Variants in SPOPL observed in about 807,000 individuals in gnomAD.
SPOPL encodes speckle type BTB/POZ protein like, also known as speckle-type POZ protein-like.
SPOPL carries 23 observed loss-of-function variants against 53.8 expected under a neutral mutation model. That is an observed-to-expected ratio of 0.43 (90% CI 0.31 to 0.61). SPOPL has a LOEUF of 0.61. Ranked by LOEUF, SPOPL falls within the 20% of genes least tolerant of loss-of-function variation. The probability of loss-of-function intolerance (pLI) is 0.12; values close to 1 mark genes in which losing one functional copy is unlikely to be tolerated. For synonymous variants in SPOPL, 164 were observed against 149.7 expected, an observed-to-expected ratio of 1.10 and a Z score of -0.70; for missense variants, 442 against 466.9, an observed-to-expected ratio of 0.95 and a Z score of 0.49.
At chr2:138,503,639 A>G (rs945098652) in intron 1 of SPOPL, among the ~76,000 whole-genome samples, 2 of 152,230 alleles carry the variant, frequency 1.3e-5, no homozygotes, top group African/African-American at 4.8e-5. Context: ...GCAGCTAACT[A>G]CCAAGCTACA....
chr2:138,525,428 C>T (rs1030721822), intron 1 of SPOPL, among the ~76,000 whole-genome samples: 2 of 152,102 alleles, frequency 1.3e-5, no homozygotes, highest in Non-Finnish European at 2.9e-5. Context: ...TTCACATGAG[C>T]TGACTGGCAG....
chr2:138,505,594 TAAAAAAAAA>T (rs1169614974), intron 1 of SPOPL, among the ~76,000 whole-genome samples: 11 of 75,090 alleles, frequency 1.5e-4, no homozygotes, highest in African/African-American at 7.0e-4. Context: ...GTGTCTCTTC[TAAAAAAAAA>T]AAAAAAAAAA....
At chr2:138,565,036 G>A (rs1685631725) in intron 10 of SPOPL, 43 bp downstream of exon 10, 3 of 1,605,862 alleles carry the variant, frequency 1.9e-6, no homozygotes, top group Non-Finnish European at 2.6e-6. Flanking sequence ...CTCTACATAA[G>A]TGAGATTAAG....
At chr2:138,567,842 G>A (rs1286944787) in intron 10 of SPOPL, among the ~76,000 whole-genome samples, 17 of 152,184 alleles carry the variant, frequency 1.1e-4, no homozygotes, top group Admixed American at 1.1e-3. Flanking sequence ...ATGGCATAAA[G>A]TAGAGAATTG....
At chr2:138,516,414 T>C (rs1684439014) in intron 1 of SPOPL, among the ~76,000 whole-genome samples, 1 of 152,198 alleles carries the variant, frequency 6.6e-6, no homozygotes, top group African/African-American at 2.4e-5. Context: ...TAAGGTCTGT[T>C]GTAAAAGATA....
intron 1 of SPOPL, among the ~76,000 whole-genome samples, chr2:138,544,452 C>A (rs1685145972): frequency 6.6e-6 from 1 of 152,220 alleles, no homozygotes; most frequent in Admixed American, 6.5e-5. Context: ...CTCCCCCAGC[C>A]TCGCTGCCGC....
At position 138,564,759 on chromosome 2, in the gene SPOPL, C is replaced by G; in HGVS notation, c.889C>G (p.Leu297Val). Reference protein sequence around the residue: ...VMCEEALCSNLSVENVADTLV... With the variant: ...VMCEEALCSNVSVENVADTLV... Reference sequence around the variant, plus strand: ...GTGCGAAGAAGCTTTGTGTAGTAACCTCTCAGTAGAGAATGTTGCAGATAC... The same window carrying G: ...GTGCGAAGAAGCTTTGTGTAGTAACGTCTCAGTAGAGAATGTTGCAGATAC... The change falls in exon 9 of 11, where the codon CTC becomes GTC. Residue 297 changes from leucine (L) to valine (V), a missense_variant. Coordinates refer to ENST00000280098, the MANE Select transcript of SPOPL (RefSeq NM_001001664.3). The G allele has an allele frequency of 6.2e-7, 1 of 1,614,156 alleles. No homozygotes were observed. The highest frequency in any genetic ancestry group is 8.5e-7 in the Non-Finnish European group (1 of 1,180,010).
Position 138,569,569 on chromosome 2 carries a change from T to A in SPOPL, c.*489T>A, listed in dbSNP as rs532316765. On this transcript the variant is annotated 3_prime_UTR_variant, in exon 11 of 11. Coordinates refer to ENST00000280098, the MANE Select transcript of SPOPL (RefSeq NM_001001664.3). ...ATCTCCAATCTAAGTTCTATAAATA[T>A]GGGAGAACCCTCTTACCTTCAAGGT... 6.6e-6 allele frequency: 1 copy of A among 152,562 alleles called. No individual in the cohort carries two copies. The highest frequency in any genetic ancestry group is 2.1e-4 in the South Asian group (1 of 4,836). 9.5% of individuals were successfully genotyped at this position (152,562 alleles called of 1,614,324 possible).
intron 1 of SPOPL, among the ~76,000 whole-genome samples, chr2:138,536,307 T>C (rs1313117688): frequency 1.3e-5 from 2 of 151,824 alleles, no homozygotes; most frequent in Non-Finnish European, 2.9e-5. Flanking sequence ...TTATTTTGTT[T>C]ATGGACTGTT....
chr2:138,565,487 A>C (rs1219364306), intron 10 of SPOPL, among the ~76,000 whole-genome samples: 2 of 152,172 alleles, frequency 1.3e-5, no homozygotes, highest in Admixed American at 1.3e-4. Flanking sequence ...TTCCCTAGTG[A>C]ACCTGTAAGG....
intron 1 of SPOPL, among the ~76,000 whole-genome samples, chr2:138,522,748 A>T (rs552496893): frequency 6.6e-6 from 1 of 152,188 alleles, no homozygotes; most frequent in African/African-American, 2.4e-5. Context: ...TGAAAGACAC[A>T]GCTGTTTCTA....
intron 1 of SPOPL, among the ~76,000 whole-genome samples, chr2:138,523,589 A>G (rs2104866353): frequency 6.6e-6 from 1 of 152,300 alleles, no homozygotes; most frequent in East Asian, 1.9e-4. Flanking sequence ...ATCAAAAGCA[A>G]GTTAGTTACC....
chr2:138,544,687 G>A (rs1685153430), intron 1 of SPOPL, among the ~76,000 whole-genome samples: 1 of 152,254 alleles, frequency 6.6e-6, no homozygotes, highest in African/African-American at 2.4e-5. Flanking sequence ...CTTCCCGGGT[G>A]AGGTGATGCC....
chr2:138,572,966 G>T lies in SPOPL; in HGVS notation c.*3886G>T, dbSNP rs1313576931. ...TGTATACTGTAACCCAGTAAATTTT[G>T]CATTCAGTTTTAAAAAATGAAGATG... On this transcript the variant is annotated 3_prime_UTR_variant, in exon 11 of 11. Coordinates refer to ENST00000280098, the MANE Select transcript of SPOPL (RefSeq NM_001001664.3). 6.6e-6 allele frequency: 1 copy of T among 152,170 alleles called. No homozygotes were observed. The highest frequency in any genetic ancestry group is 1.5e-5 in the Non-Finnish European group (1 of 67,970). The allele number at this position is 152,170 out of a possible 1,614,324, so 9.4% of individuals were successfully genotyped here.
At chr2:138,542,077 T>C (rs983583763) in intron 1 of SPOPL, among the ~76,000 whole-genome samples, 9 of 152,258 alleles carry the variant, frequency 5.9e-5, no homozygotes, top group Admixed American at 5.9e-4. Context: ...TGAGTTCTAC[T>C]TTGATTGCAC....
At chr2:138,558,958 G>C (rs1039051580) in intron 5 of SPOPL, 64 bp from the exon 6 acceptor site, 7 of 1,386,716 alleles carry the variant, frequency 5.0e-6, no homozygotes, top group Non-Finnish European at 5.8e-6. Flanking sequence ...TTGAAGTATG[G>C]ACTTAAACTA....
intron 1 of SPOPL, among the ~76,000 whole-genome samples, chr2:138,515,790 T>A (rs1299596555): frequency 1.3e-5 from 2 of 152,232 alleles, no homozygotes; most frequent in Non-Finnish European, 2.9e-5. Flanking sequence ...TAGTTTTCCC[T>A]TTCTACATTT....
intron 1 of SPOPL, among the ~76,000 whole-genome samples, chr2:138,511,019 A>G (rs1684312788): frequency 6.6e-6 from 1 of 152,242 alleles, no homozygotes. Context: ...ATGGGCACAC[A>G]CTAAGCAGAT....
At chr2:138,550,792 C>A in intron 3 of SPOPL, 111 bp from the exon 4 acceptor site, 1 of 1,420,552 alleles carries the variant, frequency 7.0e-7, no homozygotes, top group Non-Finnish European at 9.5e-7. Context: ...CTGTTTGTGA[C>A]ATTAACACAT....
Sources: allele counts gnomAD v4.1 joint callset (sites outside exome capture counted in the v4.1 genomes callset), GRCh38; gene constraint gnomAD v4.1.1; transcripts MANE v1.5; gene names NCBI Gene and HGNC (gene_info 2026-07-23, HGNC 2026-07-21).